DNAJC1: variants seen among roughly 807,000 people sequenced by gnomAD.
The protein encoded by DNAJC1 is dnaJ homolog subfamily C member 1.
In DNAJC1, 58 loss-of-function variants were observed where a neutral mutation model predicts 76.6. The ratio of observed to expected loss-of-function variants is 0.76; its 90% CI spans 0.61 to 0.94. DNAJC1 has a LOEUF of 0.94. Among genes scored for constraint, DNAJC1 ranks in the 40% least tolerant of loss-of-function variants. DNAJC1 has a pLI of 0.00. For synonymous variants in DNAJC1, 258 were observed against 267.9 expected (o/e 0.96, Z 0.36); for missense variants, 689 against 677.3 (o/e 1.02, Z -0.19).
intron 8 of DNAJC1, among the ~76,000 whole-genome samples, chr10:21,868,560 G>A (rs796952592): frequency 9.9e-5 from 15 of 152,166 alleles, no homozygotes; most frequent in African/African-American, 3.6e-4. Flanking sequence ...AACTATAAAA[G>A]TTGATCTCAA....
At chr10:21,930,524 C>T (rs970364869) in intron 1 of DNAJC1, among the ~76,000 whole-genome samples, 2 of 152,098 alleles carry the variant, frequency 1.3e-5, no homozygotes, top group African/African-American at 4.8e-5. Context: ...CAAAGTGAGG[C>T]TATAATTAGT....
chr10:21,997,393 T>C (rs1018984918), intron 1 of DNAJC1, among the ~76,000 whole-genome samples: 11 of 152,224 alleles, frequency 7.2e-5, no homozygotes, highest in Admixed American at 5.2e-4. Context: ...CTCTACATTC[T>C]AGACTTTGAG....
intron 8 of DNAJC1, among the ~76,000 whole-genome samples, chr10:21,853,540 C>A (rs191047798): frequency 6.6e-6 from 1 of 152,050 alleles, no homozygotes; most frequent in East Asian, 1.9e-4. Context: ...AAAGTTATTT[C>A]CTCAATACTA....
intron 9 of DNAJC1, among the ~76,000 whole-genome samples, chr10:21,780,496 A>G (rs1262763717): frequency 6.6e-6 from 1 of 152,224 alleles, no homozygotes; most frequent in African/African-American, 2.4e-5. Context: ...AGCCAAACTA[A>G]GCTTCATAAG....
intron 5 of DNAJC1, among the ~76,000 whole-genome samples, chr10:21,919,494 A>T (rs1022268520): frequency 1.3e-5 from 2 of 151,982 alleles, no homozygotes; most frequent in Admixed American, 6.6e-5. Flanking sequence ...AGTGTACTGC[A>T]TATCACTGCC....
chr10:21,786,428 AT>A (rs1834608103), intron 9 of DNAJC1, among the ~76,000 whole-genome samples: 1 of 13,928 alleles, frequency 7.2e-5, no homozygotes, highest in African/African-American at 2.9e-4. Flanking sequence ...TAAAATGGGA[AT>A]ATATATATAT....
intron 1 of DNAJC1, among the ~76,000 whole-genome samples, chr10:21,967,881 C>A (rs1193108339): frequency 6.6e-6 from 1 of 152,122 alleles, no homozygotes; most frequent in Non-Finnish European, 1.5e-5. Flanking sequence ...ATTCACAATC[C>A]ACTGCCAAAA....
At chr10:21,930,537 G>A (rs1837205275) in intron 1 of DNAJC1, among the ~76,000 whole-genome samples, 1 of 152,158 alleles carries the variant, frequency 6.6e-6, no homozygotes, top group African/African-American at 2.4e-5. Context: ...TAATTAGTCT[G>A]TCAGGCTTGT....
At chr10:21,842,619 T>C (rs962675841) in intron 8 of DNAJC1, among the ~76,000 whole-genome samples, 1 of 152,158 alleles carries the variant, frequency 6.6e-6, no homozygotes, top group African/African-American at 2.4e-5. Context: ...CAAGAGGTTT[T>C]AAAGATGTAA....
At position 21,857,279 on chromosome 10, in the gene DNAJC1, C is replaced by T. The variant is rs547754802; in HGVS notation, c.978+25003G>A. ...TTGTTGAATACTTTTCAGGACCATA[C>T]TCTTAGTGCTAACCCTTTTAAACAG... is the stretch of plus-strand genomic sequence containing the variant. On this transcript the variant is annotated intron_variant, in intron 8 of 11. Coordinates refer to ENST00000376980, the MANE Select transcript of DNAJC1 (RefSeq NM_022365.4). Among the ~76,000 whole-genome samples the T allele has an allele frequency of 3.9e-5, 6 of 151,966 alleles. No individual in the cohort carries two copies. The South Asian group carries it at 1.2e-3, about 32-fold the overall frequency.
intron 8 of DNAJC1, among the ~76,000 whole-genome samples, chr10:21,815,982 G>A (rs1172785821): frequency 6.6e-6 from 1 of 151,588 alleles, no homozygotes; most frequent in African/African-American, 2.4e-5. Flanking sequence ...GACCTCAAGT[G>A]ATCCGCCTGT....
intron 3 of DNAJC1, among the ~76,000 whole-genome samples, chr10:21,922,795 G>C (rs1326694326): frequency 6.6e-6 from 1 of 151,814 alleles, no homozygotes; most frequent in Admixed American, 6.6e-5. Flanking sequence ...TTTGTTGAGG[G>C]AGAAAAAAGG....
At chr10:21,828,090 T>C (rs539446109) in intron 8 of DNAJC1, among the ~76,000 whole-genome samples, 3 of 152,346 alleles carry the variant, frequency 2.0e-5, no homozygotes, top group Admixed American at 6.5e-5. Context: ...CTCCATATAA[T>C]TGCCAACATC....
At position 21,791,700 on chromosome 10, in the gene DNAJC1, A is replaced by G. The variant is rs188857198; in HGVS notation, c.1098+14280T>C. ...AAACATTCTTGAAACAAACGAAATT[A>G]AAAACACAACAAATCAAAATCTACT... On this transcript the variant is annotated intron_variant, in intron 9 of 11. Transcript: ENST00000376980. Among the ~76,000 whole-genome samples, 384 of 152,326 alleles carry G rather than the reference A, an allele frequency of 2.5e-3. 1 individual carries two copies. Among genetic ancestry groups the G allele is most frequent in the Non-Finnish European group, 4.0e-3 (273 of 68,032 alleles).
chr10:21,906,216 C>T (rs973868133), intron 6 of DNAJC1, among the ~76,000 whole-genome samples: 12 of 152,056 alleles, frequency 7.9e-5, no homozygotes, highest in African/African-American at 2.9e-4. Flanking sequence ...TTCACACAAG[C>T]CCTAGGCCAG....
At chr10:21,869,648 C>T (rs766998154) in intron 8 of DNAJC1, among the ~76,000 whole-genome samples, 10 of 152,008 alleles carry the variant, frequency 6.6e-5, no homozygotes, top group Non-Finnish European at 1.0e-4. Context: ...CTGAACTTGG[C>T]TTTTTTCATC....
At chr10:21,767,529 C>A (rs1371574692) in intron 9 of DNAJC1, among the ~76,000 whole-genome samples, 2 of 152,134 alleles carry the variant, frequency 1.3e-5, no homozygotes, top group African/African-American at 4.8e-5. Flanking sequence ...CTCAAATGAT[C>A]CTCCCACCTC....
chr10:21,821,013 T>C (rs1564797481), intron 8 of DNAJC1, among the ~76,000 whole-genome samples: 1 of 152,106 alleles, frequency 6.6e-6, no homozygotes, highest in Admixed American at 6.5e-5. Context: ...TTGACAATCA[T>C]GCAAAAATGG....
chr10:21,957,126 G>A (rs973405195), intron 1 of DNAJC1, among the ~76,000 whole-genome samples: 3 of 151,930 alleles, frequency 2.0e-5, no homozygotes, highest in East Asian at 3.9e-4. Flanking sequence ...TCCTGACCTC[G>A]TGATCCACCC....
Sources: allele counts gnomAD v4.1 joint callset (sites outside exome capture counted in the v4.1 genomes callset), GRCh38; gene constraint gnomAD v4.1.1; transcripts MANE v1.5; gene names NCBI Gene and HGNC (gene_info 2026-07-23, HGNC 2026-07-21).